Variants in ANAPC7 observed in about 807,000 individuals in gnomAD.
ANAPC7 encodes the protein anaphase promoting complex subunit 7, also known as anaphase-promoting complex subunit 7.
Under a neutral mutation model 63.3 loss-of-function variants are expected in ANAPC7, and 25 were observed. The observed-to-expected ratio is 0.39, with a 90% CI of 0.29 to 0.55. The LOEUF is 0.55. Among genes scored for constraint, ANAPC7 ranks in the 20% least tolerant of loss-of-function variants. The pLI, the probability that ANAPC7 is intolerant of heterozygous loss-of-function variation, is 0.57. For synonymous variants in ANAPC7, 241 were observed against 251.7 expected (o/e 0.96, Z 0.40); for missense variants, 516 against 691.7 (o/e 0.75, Z 2.85).
rs1251628214 is a variant in ANAPC7 at position 110,382,867 on chromosome 12, T to G, written c.911A>C (p.His304Pro). 1 of 1,613,722 alleles carries G rather than the reference T, an allele frequency of 6.2e-7. No individual in the cohort carries two copies. Among genetic ancestry groups the G allele is most frequent in the Admixed American group, 1.7e-5 (1 of 59,966 alleles). ...GCRLFNISDQ[H>P]AEPWVVSGCH... Reference sequence around the variant, plus strand: ...CCCAGAAACCACCCACGGTTCTGCATGCTGATCAGAGATATTGAAAAGGCG... The same window carrying G: ...CCCAGAAACCACCCACGGTTCTGCAGGCTGATCAGAGATATTGAAAAGGCG... The change falls in exon 7 of 11, where the codon CAT (histidine) becomes CCT (proline). Residue 304 changes from histidine to proline, a missense_variant. Physicochemically the swap from His to Pro is moderately conservative, Grantham distance 77 (BLOSUM62 -2). Around this residue, in one of 4 missense-constraint regions of ANAPC7, gnomAD observed 199 missense variants for 249.3 expected, o/e 0.80. Coordinates refer to ENST00000455511, the MANE Select transcript of ANAPC7 (RefSeq NM_016238.3).
rs1268790153 is a variant in ANAPC7, at chr12:110,387,785, C to T, written c.628G>A (p.Ala210Thr). ...DWLSVWIKAY[A>T]FVHTGDNSRA... ...GAGTTGTCACCAGTGTGCACAAAAG[C>T]ATACGCTTTGATCCACACAGAGAGC... The change falls in exon 5 of 11, where the codon GCT becomes ACT. Residue 210 changes from alanine (A) to threonine (T), a missense_variant. Coordinates refer to ENST00000455511, the MANE Select transcript of ANAPC7 (RefSeq NM_016238.3). 6.2e-7 allele frequency: 1 copy of T among 1,614,156 alleles called. No individual in the cohort carries two copies. The highest frequency in any genetic ancestry group is 8.5e-7 in the Non-Finnish European group (1 of 1,180,020).
intron 1 of ANAPC7, among the ~76,000 whole-genome samples, chr12:110,397,161 T>C (rs1001335973): frequency 2.0e-5 from 3 of 150,936 alleles, no homozygotes; most frequent in Non-Finnish European, 2.9e-5. Flanking sequence ...ATCATGCCAC[T>C]GCACTCCAGC....
chr12:110,394,334 T>C (rs147653855), intron 3 of ANAPC7, among the ~76,000 whole-genome samples: 8 of 147,392 alleles, frequency 5.4e-5, no homozygotes, highest in Non-Finnish European at 1.1e-4. Context: ...CTACCAAAAA[T>C]AAAAAAAATT....
chr12:110,381,972 A>AAC lies in ANAPC7; in HGVS notation c.936-26_936-25dup, dbSNP rs745876646. 6 of 1,471,978 alleles carry AAC rather than the reference A, an allele frequency of 4.1e-6. No homozygotes were observed. The African/African-American group carries it at 5.8e-5, about 14-fold the overall frequency. 91.2% of individuals were successfully genotyped at this position (1,471,978 alleles called of 1,614,324 possible). A position where few individuals can be genotyped will look rare whatever the true frequency, so the allele number is the denominator to read the frequency against. Reference sequence around the variant, plus strand: ...AGCTGGAGAAAAAAAAAAAAAAAAAAACACAAAAACCCCAGAAGTTATCCA... The same window carrying AAC: ...AGCTGGAGAAAAAAAAAAAAAAAAAAACACACAAAAACCCCAGAAGTTATCCA... On this transcript the variant is annotated intron_variant, in intron 7 of 10. Transcript: ENST00000455511.
intron 1 of ANAPC7, among the ~76,000 whole-genome samples, chr12:110,402,767 G>A (rs935955829): frequency 1.3e-5 from 2 of 151,936 alleles, no homozygotes; most frequent in Non-Finnish European, 2.9e-5. Context: ...ACAGGCAGTC[G>A]TTCTGTCGCC....
rs1463917570 is a variant in ANAPC7, at chr12:110,380,434, C to T, written c.1132+1318G>A. On this transcript the variant is annotated intron_variant, in intron 8 of 10. Transcript: ENST00000455511. Reference sequence around the variant, plus strand: ...TTGGGAGGCCAAGGCAGGCAGCTCACGAGGTCAGGAGTTCGAGACCAGCCT... The same window carrying T: ...TTGGGAGGCCAAGGCAGGCAGCTCATGAGGTCAGGAGTTCGAGACCAGCCT... Among the ~76,000 whole-genome samples the T allele has an allele frequency of 4.0e-5, 6 of 148,910 alleles. No homozygotes were observed. In the South Asian group the frequency reaches 1.1e-3, roughly 27 times the overall value.
At position 110,376,322 on chromosome 12, in the gene ANAPC7, C is replaced by A. The variant is rs904248035; in HGVS notation, c.1358-106G>T. ...TCCTCAAGAGAACACTGGTGCAACA[C>A]AAAGCGAGGGCAAGCACACCTGAAG... On this transcript the variant is annotated intron_variant, in intron 9 of 10. Transcript: ENST00000455511. 2.3e-6 allele frequency: 3 copies of A among 1,324,396 alleles called. No homozygotes were observed. In the Admixed American group the frequency reaches 6.2e-5, roughly 28 times the overall value. 82.0% of individuals were successfully genotyped at this position (1,324,396 alleles called of 1,614,324 possible).
intron 7 of ANAPC7, among the ~76,000 whole-genome samples, chr12:110,382,499 T>TATATAGAGAGAGAGAGAG (rs1555289595): frequency 7.3e-6 from 1 of 136,516 alleles, no homozygotes; most frequent in Non-Finnish European, 1.6e-5. Context: ...TATATATTTA[T>TATATAGAGAGAGAGAGAG]AGAGACAGGG....
At chr12:110,387,361 G>GAA (rs1882667414) in intron 5 of ANAPC7, 1 of 123,832 alleles carries the variant, frequency 8.1e-6, no homozygotes, top group African/African-American at 3.3e-5. Flanking sequence ...GACAGAGAGA[G>GAA]AGAGACAGAG....
Position 110,386,493 on chromosome 12 carries a change from G to A in ANAPC7, c.675-24C>T, listed in dbSNP as rs551521545. On this transcript the variant is annotated intron_variant, in intron 5 of 10. Coordinates refer to ENST00000455511, the MANE Select transcript of ANAPC7 (RefSeq NM_016238.3). ...AACTTTAAGATATTTATTAAACATT[G>A]AACCTTTAAATCTATTATAAATCCT... 4 of 1,586,910 alleles carry A rather than the reference G, an allele frequency of 2.5e-6. No homozygotes were observed. The Admixed American group carries it at 6.9e-5, about 28-fold the overall frequency.
intron 1 of ANAPC7, among the ~76,000 whole-genome samples, chr12:110,399,391 C>T (rs2062191692): frequency 1.3e-5 from 2 of 151,118 alleles, no homozygotes; most frequent in South Asian, 2.1e-4. Context: ...GTAATCCCAA[C>T]ACTTTGGGAG....
intron 5 of ANAPC7, 187 bp downstream of exon 5, chr12:110,387,552 G>C: frequency 1.7e-6 from 1 of 580,696 alleles, no homozygotes. Context: ...ATTTTTACAG[G>C]TCTCCAACAG....
Position 110,377,609 on chromosome 12 carries a change from C to T in ANAPC7, c.1141G>A (p.Glu381Lys), listed in dbSNP as rs763204221. Residue 381 changes from glutamate (E) to lysine (K), a missense_variant, in exon 9 of 11, where the codon GAA (glutamate) becomes AAA (lysine). By Grantham distance (56) the Glu-to-Lys change is moderately conservative. Transcript: ENST00000455511. ...ATACTGTTGGAGGCTAAGTAACATT[C>T]GATAAGACCTGAAAAAAGTAAAACA... Reference protein sequence around the residue: ...CRLDCYEGLIECYLASNSIRE... With the variant: ...CRLDCYEGLIKCYLASNSIRE... The T allele has an allele frequency of 1.2e-5, 19 of 1,614,020 alleles. No homozygotes were observed. Among genetic ancestry groups the T allele is most frequent in the East Asian group, 2.2e-5 (1 of 44,902 alleles).
At chr12:110,398,669 G>C (rs1272182311) in intron 1 of ANAPC7, among the ~76,000 whole-genome samples, 1 of 152,138 alleles carries the variant, frequency 6.6e-6, no homozygotes. Context: ...AAAAGCTACA[G>C]CAGGCCGGGG....
intron 6 of ANAPC7, 55 bp from the exon 7 acceptor site, chr12:110,383,015 CCA>C (rs1206349237): frequency 1.2e-5 from 17 of 1,408,732 alleles, no homozygotes; most frequent in Non-Finnish European, 1.7e-5. Flanking sequence ...AGCAGGGGTC[CCA>C]CATACAGGAG....
chr12:110,382,334 A>G lies in ANAPC7; in HGVS notation c.936-386T>C, dbSNP rs368191452. Among the ~76,000 whole-genome samples the G allele has an allele frequency of 3.6e-4, 55 of 150,894 alleles. 1 individual carries two copies. The highest frequency in any genetic ancestry group is 1.2e-3 in the African/African-American group (48 of 41,152). On this transcript the variant is annotated intron_variant, in intron 7 of 10. Transcript: ENST00000455511. The stretch of plus-strand genomic sequence containing the variant: ...AACTCAGTTAATGCTTAACCCTAGA[A>G]GGAGAGGTTATTAGCCCATTTTCCA...
intron 4 of ANAPC7, among the ~76,000 whole-genome samples, 159 bp downstream of exon 4, chr12:110,388,353 T>C (rs1159254797): frequency 6.6e-6 from 1 of 152,138 alleles, no homozygotes; most frequent in East Asian, 1.9e-4. Flanking sequence ...CATAATTAAG[T>C]ATTTCTTGAT....
At chr12:110,380,391 G>A (rs907160809) in intron 8 of ANAPC7, among the ~76,000 whole-genome samples, 1 of 151,050 alleles carries the variant, frequency 6.6e-6, no homozygotes, top group African/African-American at 2.4e-5. Context: ...GGTGGCTCAT[G>A]CCTGTAATCC....
Position 110,381,878 on chromosome 12 carries a change from T to A in ANAPC7, c.1006A>T (p.Ser336Cys). 1 of 1,611,646 alleles carries A rather than the reference T, an allele frequency of 6.2e-7. No homozygotes were observed. Among genetic ancestry groups the A allele is most frequent in the East Asian group, 2.2e-5 (1 of 44,750 alleles). ...AGTAGCAGAGCTTGAACACTATTAC[T>A]GTTCAGCTGAATGGCCTTGGCTCCT... is the stretch of plus-strand genomic sequence containing the variant. Reference protein sequence around the residue: ...YLGAKAIQLNSNSVQALLLKG... With the variant: ...YLGAKAIQLNCNSVQALLLKG... Residue 336 changes from serine (S) to cysteine (C), a missense_variant, in exon 8 of 11, where the codon AGT (serine) becomes TGT (cysteine). Coordinates refer to ENST00000455511, the MANE Select transcript of ANAPC7 (RefSeq NM_016238.3).
Sources: allele counts gnomAD v4.1 joint callset (sites outside exome capture counted in the v4.1 genomes callset), GRCh38; gene constraint gnomAD v4.1.1; regional missense constraint gnomAD v4.1.1; transcripts MANE v1.5; gene names NCBI Gene and HGNC (gene_info 2026-07-23, HGNC 2026-07-21).